The following NOVA2 variants were observed in gnomAD, a reference collection of about 807,000 sequenced individuals.
The protein encoded by NOVA2 is RNA-binding protein Nova-2.
Under a neutral mutation model 22.5 loss-of-function variants are expected in NOVA2, and 9 were observed. The ratio of observed to expected loss-of-function variants is 0.40; its 90% CI spans 0.24 to 0.70. The LOEUF is 0.70. Among genes scored for constraint, NOVA2 ranks in the 30% least tolerant of loss-of-function variants. The pLI is 0.38. For missense variants in NOVA2, 383 were observed against 682.8 expected, an observed-to-expected ratio of 0.56 and a Z score of 4.89; for synonymous variants, 318 against 335.2, an observed-to-expected ratio of 0.95 and a Z score of 0.56.
In NOVA2 at chr19:45,938,623, C is replaced by T. The variant is rs1018628928; in HGVS notation, c.*1240G>A. The stretch of plus-strand genomic sequence containing the variant: ...CACTAGGTCCATCTCCCACCCCTCC[C>T]TCCAGGGCGAGTTCGCAGACTTGAC... On this transcript the variant is annotated 3_prime_UTR_variant, in exon 4 of 4. Coordinates refer to ENST00000263257, the MANE Select transcript of NOVA2 (RefSeq NM_002516.4). 6.6e-6 allele frequency: 1 copy of T among 152,350 alleles called. No individual in the cohort carries two copies. The highest frequency in any genetic ancestry group is 1.5e-5 in the Non-Finnish European group (1 of 68,076). 9.4% of individuals were successfully genotyped at this position (152,350 alleles called of 1,614,324 possible).
rs1208612281 is a variant in NOVA2, at chr19:45,964,346, ATTTGTGTGTGTG to A, written c.86-3205_86-3194del. Reference sequence around the variant, plus strand: ...AGGTGCCCACAACCATGCCCGGCTAATTTGTGTGTGTGTGTGTGTGTGTGTGTGTGTGTGTGT... The same window carrying A: ...AGGTGCCCACAACCATGCCCGGCTAATGTGTGTGTGTGTGTGTGTGTGTGT... On this transcript the variant is annotated intron_variant, in intron 1 of 3. Coordinates refer to ENST00000263257, the MANE Select transcript of NOVA2 (RefSeq NM_002516.4). 1.8e-4 allele frequency among the ~76,000 whole-genome samples: 18 copies of A among 98,102 alleles called. No homozygotes were observed. The East Asian group carries it at 3.9e-3, about 21-fold the overall frequency. 64.4% of individuals were successfully genotyped at this position (98,102 alleles called of 152,430 possible). A position where few individuals can be genotyped will look rare whatever the true frequency, so the allele number is the denominator to read the frequency against.
chr19:45,972,244 TC>T (rs1968242212), intron 1 of NOVA2, among the ~76,000 whole-genome samples: 3 of 151,662 alleles, frequency 2.0e-5, no homozygotes. Flanking sequence ...ACACCCACCT[TC>T]CCTGTTGCAC....
rs1302921847 is a variant in NOVA2 at position 45,958,395 on chromosome 19, ATGTG to A, written c.229+2611_229+2614del. Among the ~76,000 whole-genome samples, 1,049 of 148,616 alleles carry A rather than the reference ATGTG, an allele frequency of 7.1e-3. 13 individuals carry two copies. The highest frequency in any genetic ancestry group is 0.025 in the African/African-American group (996 of 40,260). On this transcript the variant is annotated intron_variant, in intron 2 of 3. Transcript: ENST00000263257. ...TGTGAGAGTGTGTGTGTGTGGGAGCATGTGTGTGAGTGGGGTGTGTGTGAGTGTG... is the reference window on the plus strand; with the variant it reads ...TGTGAGAGTGTGTGTGTGTGGGAGCATGTGAGTGGGGTGTGTGTGAGTGTG...
chr19:45,969,509 GAAAAAAAAAA>G lies in NOVA2; in HGVS notation c.85+3748_85+3757del, dbSNP rs397946088. 9.4e-4 allele frequency among the ~76,000 whole-genome samples: 38 copies of G among 40,556 alleles called. 1 individual carries two copies. The highest frequency in any genetic ancestry group is 3.6e-3 in the African/African-American group (29 of 8,140). 26.6% of individuals were successfully genotyped at this position (40,556 alleles called of 152,430 possible). ...GGTGACAGAGTGAGACCCTGTCTCA[GAAAAAAAAAA>G]AAAAAAAAAAAAAAAAAAGAGGGAT... is the stretch of plus-strand genomic sequence containing the variant. On this transcript the variant is annotated intron_variant, in intron 1 of 3. Transcript: ENST00000263257.
Position 45,940,311 on chromosome 19 carries a change from G to T in NOVA2, c.1031C>A (p.Pro344Gln). Residue 344 changes from proline (P) to glutamine (Q), a missense_variant, in exon 4 of 4, where the codon CCG becomes CAG. Pro to Gln is a moderately conservative substitution (Grantham distance 76, BLOSUM62 -1). Coordinates refer to ENST00000263257, the MANE Select transcript of NOVA2 (RefSeq NM_002516.4). ...GGCTCCGGGAGGCGGGGGCGGCGGC[G>T]GGGCGGCCCCTCCGGCTGGCCCGGC... Reference protein sequence around the residue: ...AGAGPAGGAAPPPPPPPGALG... With the variant: ...AGAGPAGGAAQPPPPPPGALG... 1 of 1,146,542 alleles carries T rather than the reference G, an allele frequency of 8.7e-7. No homozygotes were observed. Among genetic ancestry groups the T allele is most frequent in the Non-Finnish European group, 1.1e-6 (1 of 936,036 alleles). 71.0% of individuals were successfully genotyped at this position (1,146,542 alleles called of 1,614,324 possible).
chr19:45,973,321 T>A lies in NOVA2; in HGVS notation c.31A>T (p.Arg11Trp). 1 of 1,283,744 alleles carries A rather than the reference T, an allele frequency of 7.8e-7. No individual in the cohort carries two copies. Among genetic ancestry groups the A allele is most frequent in the Non-Finnish European group, 9.9e-7 (1 of 1,009,832 alleles). 79.5% of individuals were successfully genotyped at this position (1,283,744 alleles called of 1,614,324 possible). A position where few individuals can be genotyped will look rare whatever the true frequency, so the allele number is the denominator to read the frequency against. Reference sequence around the variant, plus strand: ...ACCTCGGGGGGCGTTTCGAGGGGCCTCTTGCGGGAATCCGGGGCCTCGGGC... The same window carrying A: ...ACCTCGGGGGGCGTTTCGAGGGGCCACTTGCGGGAATCCGGGGCCTCGGGC... MEPEAPDSRK[R>W]PLETPPEVVC... Residue 11 changes from arginine (R) to tryptophan (W), a missense_variant, in exon 1 of 4, where the codon AGG becomes TGG. Physicochemically the swap from Arg to Trp is moderately radical, Grantham distance 101 (BLOSUM62 -3). Around this residue, in one of 2 missense-constraint regions of NOVA2, gnomAD observed 349 missense variants for 578.1 expected, o/e 0.60. Coordinates refer to ENST00000263257, the MANE Select transcript of NOVA2 (RefSeq NM_002516.4).
intron 3 of NOVA2, among the ~76,000 whole-genome samples, chr19:45,942,074 C>A (rs562755054): frequency 6.6e-6 from 1 of 152,144 alleles, no homozygotes; most frequent in Non-Finnish European, 1.5e-5. Flanking sequence ...CAGTTAGTGA[C>A]GGAGCTGAAA....
At position 45,937,258 on chromosome 19, in the gene NOVA2, G is replaced by C. The variant is rs993991806; in HGVS notation, c.*2605C>G. The C allele has an allele frequency of 3.9e-5, 6 of 152,198 alleles. No homozygotes were observed. The highest frequency in any genetic ancestry group is 5.9e-5 in the Non-Finnish European group (4 of 68,050). 9.4% of individuals were successfully genotyped at this position (152,198 alleles called of 1,614,324 possible). The stretch of plus-strand genomic sequence containing the variant: ...ATGTGTCTGTGTGAGAGGAGTCCTG[G>C]ACCCGGCTGATTGGGACCCAGACTC... On this transcript the variant is annotated 3_prime_UTR_variant, in exon 4 of 4. Coordinates refer to ENST00000263257, the MANE Select transcript of NOVA2 (RefSeq NM_002516.4).
Position 45,936,275 on chromosome 19 carries a change from G to A in NOVA2, c.*3588C>T, listed in dbSNP as rs1967651152. 1 of 152,238 alleles carries A rather than the reference G, an allele frequency of 6.6e-6. No individual in the cohort carries two copies. Among genetic ancestry groups the A allele is most frequent in the Admixed American group, 6.5e-5 (1 of 15,286 alleles). 9.4% of individuals were successfully genotyped at this position (152,238 alleles called of 1,614,324 possible). On this transcript the variant is annotated 3_prime_UTR_variant, in exon 4 of 4. Transcript: ENST00000263257. ...TCCCCAGTTTCCATAGATTTGCCAG[G>A]AAGTTGGCAAGTGGGATTCTCCTTG...
intron 2 of NOVA2, among the ~76,000 whole-genome samples, chr19:45,957,865 G>A (rs575848601): frequency 3.3e-5 from 5 of 152,094 alleles, no homozygotes; most frequent in Non-Finnish European, 5.9e-5. Flanking sequence ...TTGGGAGGCC[G>A]AGGCGGGTGG....
At chr19:45,954,068 A>G in intron 2 of NOVA2, 122 bp from the exon 3 acceptor site, 4 of 1,074,418 alleles carry the variant, frequency 3.7e-6, no homozygotes, top group Non-Finnish European at 5.5e-6. Context: ...GACTGATCAC[A>G]CGGTGAGCCT....
At chr19:45,956,139 C>G (rs1024250850) in intron 2 of NOVA2, among the ~76,000 whole-genome samples, 1 of 152,178 alleles carries the variant, frequency 6.6e-6, no homozygotes, top group Non-Finnish European at 1.5e-5. Flanking sequence ...TTACTACCCC[C>G]CCTTCCCCAC....
At chr19:45,947,409 G>A (rs750711985) in intron 3 of NOVA2, among the ~76,000 whole-genome samples, 7 of 152,068 alleles carry the variant, frequency 4.6e-5, no homozygotes, top group Admixed American at 6.6e-5. Flanking sequence ...GCCAAACTAA[G>A]CCTGATGGAC....
rs182819886 is a variant in NOVA2 at position 45,960,678 on chromosome 19, A to G, written c.229+332T>C. Among the ~76,000 whole-genome samples, 25 of 152,054 alleles carry G rather than the reference A, an allele frequency of 1.6e-4. No individual in the cohort carries two copies. The East Asian group carries it at 4.3e-3, about 26-fold the overall frequency. ...CTGGCTGGCCCCCAAGCCCGGAGGG[A>G]CGCCCTGACACCTGCCTCCCTCCCC... On this transcript the variant is annotated intron_variant, in intron 2 of 3. Coordinates refer to ENST00000263257, the MANE Select transcript of NOVA2 (RefSeq NM_002516.4).
intron 1 of NOVA2, among the ~76,000 whole-genome samples, chr19:45,964,980 T>G (rs139219322): frequency 1.1e-4 from 16 of 152,204 alleles, no homozygotes; most frequent in African/African-American, 3.9e-4. Context: ...TTAAGGAGTT[T>G]CCTGACACCA....
rs1431177743 is a variant in NOVA2, at chr19:45,940,214, TCCGCCCGCCCCG to T, written c.1116_1127del (p.Ala374_Gly377del). ...CAGCGGCCACCAGCGGGCCGCCCCC[TCCGCCCGCCCCG>T]CCGCCCGCCCCGGCCCCGAGGTAGC... On this transcript the variant is annotated inframe_deletion, in exon 4 of 4. Transcript: ENST00000263257. 3.6e-5 allele frequency: 42 copies of T among 1,170,314 alleles called. 1 individual carries two copies. The highest frequency in any genetic ancestry group is 7.9e-5 in the South Asian group (2 of 25,382). The allele number at this position is 1,170,314 out of a possible 1,614,324, so 72.5% of individuals were successfully genotyped here.
intron 3 of NOVA2, 111 bp from the exon 4 acceptor site, chr19:45,941,056 G>A: frequency 1.0e-6 from 1 of 987,694 alleles, no homozygotes. Flanking sequence ...TTGGGGGGCT[G>A]AGGCAGGCAG....
In NOVA2 at chr19:45,935,917, C is replaced by T. The variant is rs1293208939; in HGVS notation, c.*3946G>A. On this transcript the variant is annotated 3_prime_UTR_variant, in exon 4 of 4. Coordinates refer to ENST00000263257, the MANE Select transcript of NOVA2 (RefSeq NM_002516.4). The stretch of plus-strand genomic sequence containing the variant: ...AGGTCCCCAACCATCTATAGGTCGG[C>T]TTTTATCAACATCCACTTGGGATAC... 6.6e-6 allele frequency: 1 copy of T among 152,228 alleles called. No individual in the cohort carries two copies. Among genetic ancestry groups the T allele is most frequent in the Non-Finnish European group, 1.5e-5 (1 of 68,056 alleles). 9.4% of individuals were successfully genotyped at this position (152,228 alleles called of 1,614,324 possible).
Position 45,973,377 on chromosome 19 carries a change from T to A in NOVA2, c.-26A>T. 1.3e-6 allele frequency: 1 copy of A among 784,382 alleles called. No individual in the cohort carries two copies. The highest frequency in any genetic ancestry group is 1.7e-6 in the Non-Finnish European group (1 of 599,382). 48.6% of individuals were successfully genotyped at this position (784,382 alleles called of 1,614,324 possible). ...GGGGGGGGCCTGGGGCGGCGGCTGC[T>A]GCTGCTGCGGCGGCTGCGGCGGCGG... On this transcript the variant is annotated 5_prime_UTR_variant, in exon 1 of 4. Coordinates refer to ENST00000263257, the MANE Select transcript of NOVA2 (RefSeq NM_002516.4).
Sources: allele counts gnomAD v4.1 joint callset (sites outside exome capture counted in the v4.1 genomes callset), GRCh38; gene constraint gnomAD v4.1.1; regional missense constraint gnomAD v4.1.1; transcripts MANE v1.5; gene names NCBI Gene and HGNC (gene_info 2026-07-23, HGNC 2026-07-21).